Variants in KPNA6 observed in about 807,000 individuals in gnomAD.
KPNA6 encodes the protein importin subunit alpha-7.
Under a neutral mutation model 72.0 loss-of-function variants are expected in KPNA6, and 9 were observed. That is an observed-to-expected ratio of 0.13 (90% CI 0.08 to 0.22). The LOEUF (loss-of-function observed/expected upper bound fraction) is 0.22. Among genes scored for constraint, KPNA6 ranks in the 10% least tolerant of loss-of-function variants. The pLI, the probability that KPNA6 is intolerant of heterozygous loss-of-function variation, is 1.00. For missense variants in KPNA6, 374 were observed against 655.7 expected (o/e 0.57, Z 4.69); for synonymous variants, 219 against 242.1 (o/e 0.90, Z 0.89).
At chr1:32,120,384 A>G (rs986324084) in intron 1 of KPNA6, among the ~76,000 whole-genome samples, 3 of 150,754 alleles carry the variant, frequency 2.0e-5, no homozygotes, top group Admixed American at 1.3e-4. Context: ...AGCTGGGATT[A>G]CAGGCATGGA....
At chr1:32,114,449 A>G (rs1014221035) in intron 1 of KPNA6, among the ~76,000 whole-genome samples, 1 of 146,224 alleles carries the variant, frequency 6.8e-6, no homozygotes, top group Non-Finnish European at 1.5e-5. Context: ...CTCAAAAAAA[A>G]AAATATATAT....
At chr1:32,163,605 GT>G (rs1162960260) in intron 10 of KPNA6, among the ~76,000 whole-genome samples, 6 of 152,186 alleles carry the variant, frequency 3.9e-5, no homozygotes, top group African/African-American at 1.4e-4. Flanking sequence ...TTGTGAGTTA[GT>G]TAAGTTTGAG....
chr1:32,141,023 G>A (rs564003945), intron 1 of KPNA6, among the ~76,000 whole-genome samples: 2 of 152,244 alleles, frequency 1.3e-5, no homozygotes, highest in South Asian at 2.1e-4. Flanking sequence ...CAGCATCATG[G>A]CTGGCTTTAC....
At position 32,172,440 on chromosome 1, in the gene KPNA6, G is replaced by A. The variant is rs1642454554; in HGVS notation, c.*1546G>A. 1 of 150,584 alleles carries A rather than the reference G, an allele frequency of 6.6e-6. No homozygotes were observed. Among genetic ancestry groups the A allele is most frequent in the Non-Finnish European group, 1.5e-5 (1 of 67,908 alleles). The allele number at this position is 150,584 out of a possible 1,614,324, so 9.3% of individuals were successfully genotyped here. ...CTCAATGGCCATTGTCCACATAACT[G>A]ATCACCCATGGCTGCCTCTCCTATT... On this transcript the variant is annotated 3_prime_UTR_variant, in exon 14 of 14. Coordinates refer to ENST00000373625, the MANE Select transcript of KPNA6 (RefSeq NM_012316.5).
At chr1:32,150,733 T>C (rs2124046163) in intron 1 of KPNA6, among the ~76,000 whole-genome samples, 2 of 151,994 alleles carry the variant, frequency 1.3e-5, no homozygotes, top group South Asian at 4.2e-4. Flanking sequence ...TTCAAGTGAT[T>C]CTCCTGCCTC....
At chr1:32,158,095 A>G (rs987436892) in intron 4 of KPNA6, among the ~76,000 whole-genome samples, 172 bp from the exon 5 acceptor site, 1 of 152,196 alleles carries the variant, frequency 6.6e-6, no homozygotes, top group Non-Finnish European at 1.5e-5. Context: ...TTCCAGCTGT[A>G]TTATACAGTT....
At chr1:32,119,028 A>AT (rs1197600051) in intron 1 of KPNA6, among the ~76,000 whole-genome samples, 109 of 63,152 alleles carry the variant, frequency 1.7e-3, no homozygotes, top group Non-Finnish European at 2.1e-3. Flanking sequence ...ATATATATAT[A>AT]TATATTTTTT....
intron 1 of KPNA6, among the ~76,000 whole-genome samples, chr1:32,113,947 G>T (rs1427296898): frequency 6.6e-6 from 1 of 152,144 alleles, no homozygotes; most frequent in Non-Finnish European, 1.5e-5. Flanking sequence ...GCAGTAACTT[G>T]CTCCATTGAA....
chr1:32,155,110 C>CAAAA (rs144040035), intron 2 of KPNA6, among the ~76,000 whole-genome samples: 579 of 53,592 alleles, frequency 0.011, no homozygotes, highest in Non-Finnish European at 0.013. Flanking sequence ...AACTCCATCT[C>CAAAA]AAAAAAAAAA....
At chr1:32,162,570 C>T in intron 9 of KPNA6, 46 bp downstream of exon 9, 2 of 1,602,588 alleles carry the variant, frequency 1.2e-6, no homozygotes, top group Non-Finnish European at 1.7e-6. Context: ...GGCACGGTGG[C>T]TTATGCTTAT....
chr1:32,160,294 C>T lies in KPNA6; in HGVS notation c.559-321C>T, dbSNP rs1380534528. On this transcript the variant is annotated intron_variant, in intron 6 of 13. Transcript: ENST00000373625. ...CAGCCTGGGTGACAGAGCGAGACTCCGTCTCAAAAAAAAAAAAAAAAAAAA... is the reference window on the plus strand; with the variant it reads ...CAGCCTGGGTGACAGAGCGAGACTCTGTCTCAAAAAAAAAAAAAAAAAAAA... 5.6e-4 allele frequency among the ~76,000 whole-genome samples: 76 copies of T among 135,702 alleles called. 1 individual carries two copies. Among genetic ancestry groups the T allele is most frequent in the Middle Eastern group, 3.8e-3 (1 of 266 alleles). 89.0% of individuals were successfully genotyped at this position (135,702 alleles called of 152,430 possible). A position where few individuals can be genotyped will look rare whatever the true frequency, so the allele number is the denominator to read the frequency against.
intron 5 of KPNA6, among the ~76,000 whole-genome samples, chr1:32,159,137 C>T (rs1557480778): frequency 2.0e-5 from 3 of 152,168 alleles, no homozygotes. Flanking sequence ...AGGACTAAAC[C>T]TGGGACCCTG....
chr1:32,137,595 G>A (rs1210814699), intron 1 of KPNA6, among the ~76,000 whole-genome samples: 1 of 152,162 alleles, frequency 6.6e-6, no homozygotes, highest in African/African-American at 2.4e-5. Flanking sequence ...TAAAATGTTA[G>A]ATGGAACATT....
At chr1:32,115,540 C>T (rs1481038992) in intron 1 of KPNA6, among the ~76,000 whole-genome samples, 1 of 151,940 alleles carries the variant, frequency 6.6e-6, no homozygotes, top group Non-Finnish European at 1.5e-5. Flanking sequence ...GATCCCCCCA[C>T]GTCAGCCTTC....
intron 1 of KPNA6, among the ~76,000 whole-genome samples, chr1:32,131,548 C>CACAT (rs759920823): frequency 2.4e-4 from 37 of 151,604 alleles, no homozygotes; most frequent in Non-Finnish European, 5.2e-4. Context: ...CACATACAAC[C>CACAT]ACATACATAC....
chr1:32,128,424 T>TATATATAC (rs1557462693), intron 1 of KPNA6, among the ~76,000 whole-genome samples: 1 of 113,248 alleles, frequency 8.8e-6, no homozygotes, highest in African/African-American at 3.8e-5. Flanking sequence ...TATATATATA[T>TATATATAC]ATACACACAC....
intron 2 of KPNA6, among the ~76,000 whole-genome samples, chr1:32,155,384 C>T (rs1318404245): frequency 7.1e-6 from 1 of 141,224 alleles, no homozygotes; most frequent in Non-Finnish European, 1.5e-5. Context: ...TGCAATGGCA[C>T]GATCTCTGCT....
chr1:32,120,871 CTT>C (rs767698422), intron 1 of KPNA6, among the ~76,000 whole-genome samples: 31 of 120,536 alleles, frequency 2.6e-4, no homozygotes, highest in Admixed American at 3.4e-4. Flanking sequence ...GGAGTTCCTT[CTT>C]TTTTTTTTTT....
chr1:32,156,713 G>C (rs1200874209), intron 2 of KPNA6, 140 bp from the exon 3 acceptor site: 2 of 585,928 alleles, frequency 3.4e-6, no homozygotes, highest in Non-Finnish European at 6.0e-6. Flanking sequence ...TGAATAAGGG[G>C]AGACTAATGT....
Sources: gnomAD v4.1 joint callset for allele counts (sites outside exome capture counted in the v4.1 genomes callset) on GRCh38, gnomAD v4.1.1 for gene constraint, MANE v1.5 for transcripts, NCBI Gene and HGNC (gene_info 2026-07-23, HGNC 2026-07-21) for gene names.